MS4A5: variants seen among roughly 807,000 people sequenced by gnomAD.
MS4A5 encodes membrane spanning 4-domains A5, also known as membrane-spanning 4-domains subfamily A member 5.
MS4A5 carries 15 observed loss-of-function variants against 18.2 expected under a neutral mutation model. That is an observed-to-expected ratio of 0.83 (90% CI 0.55 to 1.27). MS4A5 has a LOEUF of 1.27. Ranked by LOEUF, MS4A5 falls within the 50% of genes most tolerant of loss-of-function variation. The pLI is 0.00. For missense variants in MS4A5, 232 were observed against 225.7 expected (o/e 1.03, Z -0.18); for synonymous variants, 89 against 78.7 (o/e 1.13, Z -0.69).
At chr11:60,446,118 T>A (rs971536238) in intron 4 of MS4A5, among the ~76,000 whole-genome samples, 1 of 151,986 alleles carries the variant, frequency 6.6e-6, no homozygotes, top group African/African-American at 2.4e-5. Context: ...AAAGAGGAAA[T>A]CAATCAGTTC....
At chr11:60,440,123 A>C (rs867055130) in intron 4 of MS4A5, among the ~76,000 whole-genome samples, 963 of 89,154 alleles carry the variant, frequency 0.011, 38 homozygotes, top group Middle Eastern at 0.038. Context: ...ATAACGCCGC[A>C]TATCTACAAC....
At chr11:60,445,232 C>T (rs942768677) in intron 4 of MS4A5, among the ~76,000 whole-genome samples, 38 of 150,682 alleles carry the variant, frequency 2.5e-4, no homozygotes, top group Admixed American at 6.6e-4. Context: ...TATATCTTGA[C>T]GTGGAAAGAA....
At chr11:60,433,688 C>T in intron 3 of MS4A5, 77 bp from the exon 4 acceptor site, 1 of 1,415,754 alleles carries the variant, frequency 7.1e-7, no homozygotes, top group Non-Finnish European at 9.9e-7. Flanking sequence ...TCCTGCTCTC[C>T]ATTCTCCGCA....
At chr11:60,439,976 G>A (rs972608248) in intron 4 of MS4A5, among the ~76,000 whole-genome samples, 2 of 146,720 alleles carry the variant, frequency 1.4e-5, no homozygotes, top group African/African-American at 2.5e-5. Flanking sequence ...AAGTCAATCC[G>A]AAGCCAAAAG....
intron 4 of MS4A5, among the ~76,000 whole-genome samples, chr11:60,446,521 C>A (rs1168423201): frequency 6.6e-6 from 1 of 152,126 alleles, no homozygotes; most frequent in African/African-American, 2.4e-5. Context: ...GGCAGATCAC[C>A]TGAAGTCAGG....
chr11:60,431,512 G>A (rs2086048429), intron 2 of MS4A5, among the ~76,000 whole-genome samples: 1 of 152,216 alleles, frequency 6.6e-6, no homozygotes, highest in South Asian at 2.1e-4. Context: ...AGAAAGCAGT[G>A]CCTGAGCTCA....
chr11:60,446,647 C>T (rs1051596266), intron 4 of MS4A5, among the ~76,000 whole-genome samples: 4 of 151,740 alleles, frequency 2.6e-5, no homozygotes, highest in African/African-American at 9.7e-5. Context: ...GCAGGAGAAT[C>T]GCTTGAACCT....
At position 60,429,600 on chromosome 11, in the gene MS4A5, A is replaced by C; in HGVS notation, c.-75A>C. ...CAATTCCAGTGCTCCAGGCAGCCTC[A>C]GCACAAGAAAAGAACATGGTCTAGA... On this transcript the variant is annotated 5_prime_UTR_variant, in exon 1 of 5. Transcript: ENST00000300190. The C allele has an allele frequency of 7.0e-7, 1 of 1,423,010 alleles. No homozygotes were observed. The highest frequency in any genetic ancestry group is 2.3e-5 in the East Asian group (1 of 42,886). 88.1% of individuals were successfully genotyped at this position (1,423,010 alleles called of 1,614,324 possible).
At chr11:60,435,259 G>T in intron 4 of MS4A5, 1 of 388,728 alleles carries the variant, frequency 2.6e-6, no homozygotes, top group South Asian at 1.9e-5. Flanking sequence ...TTAACAGTAA[G>T]CACTCAAAAG....
At chr11:60,447,022 A>ATATGC (rs142168630) in intron 4 of MS4A5, among the ~76,000 whole-genome samples, 36 of 148,570 alleles carry the variant, frequency 2.4e-4, no homozygotes, top group South Asian at 4.2e-4. Flanking sequence ...TAAAAAGATA[A>ATATGC]TATGCTATGC....
In MS4A5 at chr11:60,433,763, A is replaced by G. The variant is rs1234896925; in HGVS notation, c.340-2A>G. Reference sequence around the variant, plus strand: ...CATTGTTATGTTCTTATTCTATTTCAGATAATATTGAGCCGAATAATGAAT... The same window carrying G: ...CATTGTTATGTTCTTATTCTATTTCGGATAATATTGAGCCGAATAATGAAT... On this transcript the variant is annotated splice_acceptor_variant, in intron 3 of 4. Coordinates refer to ENST00000300190, the MANE Select transcript of MS4A5 (RefSeq NM_023945.3). LOFTEE classifies it high-confidence loss of function. 4.3e-6 allele frequency: 7 copies of G among 1,613,308 alleles called. No individual in the cohort carries two copies. Among genetic ancestry groups the G allele is most frequent in the South Asian group, 1.1e-5 (1 of 91,040 alleles).
At chr11:60,434,904 G>T (rs764248768) in intron 4 of MS4A5, among the ~76,000 whole-genome samples, 1 of 152,142 alleles carries the variant, frequency 6.6e-6, no homozygotes, top group South Asian at 2.1e-4. Context: ...GATTTTCTCC[G>T]TATTAAACTA....
intron 4 of MS4A5, among the ~76,000 whole-genome samples, chr11:60,442,961 T>C (rs1441039422): frequency 6.6e-6 from 1 of 152,030 alleles, no homozygotes; most frequent in Non-Finnish European, 1.5e-5. Flanking sequence ...GCCAACATGG[T>C]GAAACACCAT....
chr11:60,432,943 C>T (rs2086059023), intron 3 of MS4A5, among the ~76,000 whole-genome samples: 1 of 152,066 alleles, frequency 6.6e-6, no homozygotes, highest in South Asian at 2.1e-4. Context: ...CATTTGCTTC[C>T]TGTTTTCCTA....
intron 4 of MS4A5, among the ~76,000 whole-genome samples, chr11:60,441,477 A>G (rs553647045): frequency 6.6e-6 from 1 of 150,998 alleles, no homozygotes; most frequent in South Asian, 2.1e-4. Context: ...AGAAAAAAAA[A>G]GAAAGGAGAT....
intron 4 of MS4A5, among the ~76,000 whole-genome samples, chr11:60,436,223 T>C (rs2086079864): frequency 6.6e-6 from 1 of 150,720 alleles, no homozygotes; most frequent in Non-Finnish European, 1.5e-5. Flanking sequence ...TCCTCTCTGT[T>C]AGAAGGAAAA....
intron 4 of MS4A5, among the ~76,000 whole-genome samples, chr11:60,437,694 A>G (rs2135175205): frequency 6.6e-6 from 1 of 151,524 alleles, no homozygotes; most frequent in Non-Finnish European, 1.5e-5. Context: ...ACATAATGGT[A>G]AAGGGATCAA....
intron 4 of MS4A5, among the ~76,000 whole-genome samples, chr11:60,441,369 G>A (rs1346183557): frequency 1.7e-5 from 2 of 116,604 alleles, no homozygotes; most frequent in South Asian, 2.8e-4. Context: ...CATGGCACAT[G>A]TATACATATG....
chr11:60,440,016 C>T (rs1218235435), intron 4 of MS4A5, among the ~76,000 whole-genome samples: 2 of 146,314 alleles, frequency 1.4e-5, no homozygotes, highest in Admixed American at 7.0e-5. Context: ...CACTACCTGA[C>T]TTCAAACTAT....
Sources: allele counts gnomAD v4.1 joint callset (sites outside exome capture counted in the v4.1 genomes callset), GRCh38; gene constraint gnomAD v4.1.1; transcripts MANE v1.5; gene names NCBI Gene and HGNC (gene_info 2026-07-23, HGNC 2026-07-21).